The following AP3B2 variants were observed in gnomAD, a reference collection of about 807,000 sequenced individuals.
The protein encoded by AP3B2 is AP-3 complex subunit beta-2.
Under a neutral mutation model 126.9 loss-of-function variants are expected in AP3B2, and 50 were observed. That is an observed-to-expected ratio of 0.39 (90% CI 0.31 to 0.50). The LOEUF is 0.50. AP3B2 is among the 20% of genes least tolerant of loss of function. The probability of loss-of-function intolerance (pLI) is 0.79; values close to 1 mark genes in which losing one functional copy is unlikely to be tolerated. For synonymous variants in AP3B2, 541 were observed against 565.0 expected, an observed-to-expected ratio of 0.96 and a Z score of 0.60; for missense variants, 1,177 against 1,426.4, an observed-to-expected ratio of 0.83 and a Z score of 2.82.
At chr15:82,669,332 G>T (rs1006058604) in intron 14 of AP3B2, among the ~76,000 whole-genome samples, 1 of 152,264 alleles carries the variant, frequency 6.6e-6, no homozygotes, top group Admixed American at 6.5e-5. Context: ...AAATCTTAAG[G>T]ATTCCACCAA....
Position 82,681,884 on chromosome 15 carries a change from G to A in AP3B2, c.361-304C>T, listed in dbSNP as rs1361742089. Among the ~76,000 whole-genome samples, 4 of 151,946 alleles carry A rather than the reference G, an allele frequency of 2.6e-5. No individual in the cohort carries two copies. The highest frequency in any genetic ancestry group is 5.9e-5 in the Non-Finnish European group (4 of 67,988). Reference sequence around the variant, plus strand: ...GAAACACTTCCTGTTCCTTGTAAGGGTTTTTTTGGAGGTGCCTGTTTTAAT... The same window carrying A: ...GAAACACTTCCTGTTCCTTGTAAGGATTTTTTTGGAGGTGCCTGTTTTAAT... On this transcript the variant is annotated intron_variant, in intron 4 of 26. Coordinates refer to ENST00000535359, the MANE Select transcript of AP3B2 (RefSeq NM_001278512.2). The surrounding 1 kb of genome is among the most constrained non-coding windows in gnomAD (Gnocchi z 4.0).
At chr15:82,683,182 C>T (rs1425236380) in intron 4 of AP3B2, among the ~76,000 whole-genome samples, 3 of 150,546 alleles carry the variant, frequency 2.0e-5, no homozygotes, top group Non-Finnish European at 4.4e-5. Flanking sequence ...CCTCAGCCTC[C>T]CGAGTAGCTG....
Position 82,663,109 on chromosome 15 carries a change from C to T in AP3B2, c.2604+18G>A, listed in dbSNP as rs2047983508. Reference sequence around the variant, plus strand: ...TGTGTCCCTGCCCCAGCCCGGTCCCCTCCTCCATCCCACTCACCGACGGTA... The same window carrying T: ...TGTGTCCCTGCCCCAGCCCGGTCCCTTCCTCCATCCCACTCACCGACGGTA... On this transcript the variant is annotated intron_variant, in intron 22 of 26. Coordinates refer to ENST00000535359, the MANE Select transcript of AP3B2 (RefSeq NM_001278512.2). 1.3e-6 allele frequency: 2 copies of T among 1,596,322 alleles called. No homozygotes were observed. The highest frequency in any genetic ancestry group is 1.7e-6 in the Non-Finnish European group (2 of 1,170,350).
chr15:82,696,522 G>A (rs1056670187), intron 1 of AP3B2, among the ~76,000 whole-genome samples: 1 of 152,200 alleles, frequency 6.6e-6, no homozygotes. Flanking sequence ...AGATTGCAGT[G>A]AGCCGAGATC....
At position 82,677,801 on chromosome 15, in the gene AP3B2, G is replaced by A. The variant is rs145110978; in HGVS notation, c.1248C>T (p.Thr416=). 11 of 1,596,808 alleles carry A rather than the reference G, an allele frequency of 6.9e-6. No individual in the cohort carries two copies. The East Asian group carries it at 2.5e-4, about 36-fold the overall frequency. The change falls in exon 12 of 27, where the codon ACC becomes ACT. Residue 416 remains threonine (T), a splice_region_variant and synonymous_variant. Coordinates refer to ENST00000535359, the MANE Select transcript of AP3B2 (RefSeq NM_001278512.2). ...AGTCCTTGTCCATGCTGCGAATATAGGTCTGTGGGATATGACAAAGAAATC... is the reference window on the plus strand; with the variant it reads ...AGTCCTTGTCCATGCTGCGAATATAAGTCTGTGGGATATGACAAAGAAATC... ...NIPTVLREFQ[T]YIRSMDKDFV...
intron 1 of AP3B2, chr15:82,691,807 CTG>C: frequency 1.4e-6 from 2 of 1,453,638 alleles, no homozygotes; most frequent in Non-Finnish European, 9.6e-7. Flanking sequence ...CAAACCGAGA[CTG>C]TGAGTAGCCA....
At chr15:82,706,284 C>T (rs1304661753) in intron 1 of AP3B2, among the ~76,000 whole-genome samples, 3 of 152,212 alleles carry the variant, frequency 2.0e-5, no homozygotes, top group African/African-American at 7.2e-5. Flanking sequence ...ATTGCCTTAA[C>T]TCGAGCCCTC....
Position 82,665,490 on chromosome 15 carries a change from C to T in AP3B2, c.1938G>A (p.Glu646=), listed in dbSNP as rs754148578. The T allele has an allele frequency of 1.2e-6, 2 of 1,613,894 alleles. No homozygotes were observed. Among genetic ancestry groups the T allele is most frequent in the Admixed American group, 1.7e-5 (1 of 60,014 alleles). Reference sequence around the variant, plus strand: ...TGCGCACAGATGGGTCTGGGGCTTCCTCCGGCCAGTCTGGGAGCTCCTGGT... The same window carrying T: ...TGCGCACAGATGGGTCTGGGGCTTCTTCCGGCCAGTCTGGGAGCTCCTGGT... ...TGYQELPDWP[E]EAPDPSVRNV... The change falls in exon 16 of 27, where the codon GAG becomes GAA. Residue 646 remains glutamate, a synonymous_variant. Transcript: ENST00000535359. The surrounding 1 kb of genome is among the most constrained non-coding windows in gnomAD (Gnocchi z 4.4).
rs2047895824 is a variant in AP3B2, at chr15:82,659,422, AG to A, written c.*137del. 1.5e-5 allele frequency: 18 copies of A among 1,167,294 alleles called. No homozygotes were observed. The highest frequency in any genetic ancestry group is 2.2e-5 in the Non-Finnish European group (18 of 823,108). 72.3% of individuals were successfully genotyped at this position (1,167,294 alleles called of 1,614,324 possible). On this transcript the variant is annotated 3_prime_UTR_variant, in exon 27 of 27. Transcript: ENST00000535359. ...GCATTAGGGGAGGGCTTGGTCCTCC[AG>A]AGGGAGAGAGGACACCCTGAATGCT...
At chr15:82,696,434 C>T (rs955673073) in intron 1 of AP3B2, among the ~76,000 whole-genome samples, 10 of 151,986 alleles carry the variant, frequency 6.6e-5, no homozygotes, top group Admixed American at 3.9e-4. Flanking sequence ...AAAAATTAGC[C>T]GGGCATGGTG....
At chr15:82,702,197 C>A (rs140773561) in intron 1 of AP3B2, among the ~76,000 whole-genome samples, 2 of 152,162 alleles carry the variant, frequency 1.3e-5, no homozygotes, top group Admixed American at 6.5e-5. Context: ...GAACCCAAAT[C>A]GTAATATCCA....
rs770563026 is a variant in AP3B2 at position 82,664,947 on chromosome 15, G to A, written c.2029-4C>T. 3.1e-6 allele frequency: 5 copies of A among 1,596,390 alleles called. No homozygotes were observed. Among genetic ancestry groups the A allele is most frequent in the South Asian group, 1.1e-5 (1 of 88,608 alleles). The stretch of plus-strand genomic sequence containing the variant: ...AGCACTTGGTCCATTCAGGTACCTG[G>A]AGATGGGGGTAGGGTGCAGGGTCAT... On this transcript the variant is annotated splice_polypyrimidine_tract_variant and splice_region_variant and intron_variant, in intron 17 of 26. Coordinates refer to ENST00000535359, the MANE Select transcript of AP3B2 (RefSeq NM_001278512.2). The surrounding 1 kb of genome is among the most constrained non-coding windows in gnomAD (Gnocchi z 4.5).
intron 4 of AP3B2, among the ~76,000 whole-genome samples, chr15:82,683,954 G>A (rs2048385812): frequency 6.6e-6 from 1 of 152,160 alleles, no homozygotes; most frequent in African/African-American, 2.4e-5. Flanking sequence ...TATCAACAGT[G>A]GGCTTAAAAA....
At chr15:82,689,294 G>A in intron 2 of AP3B2, 62 bp from the exon 3 acceptor site, 1 of 1,612,176 alleles carries the variant, frequency 6.2e-7, no homozygotes, top group East Asian at 2.2e-5. Flanking sequence ...ACTAACTAGA[G>A]GGAAGGTCTA....
chr15:82,662,332 C>T lies in AP3B2; in HGVS notation c.2834-80G>A, dbSNP rs903912550. 10 of 1,064,576 alleles carry T rather than the reference C, an allele frequency of 9.4e-6. No homozygotes were observed. The African/African-American group carries it at 1.6e-4, about 17-fold the overall frequency. The allele number at this position is 1,064,576 out of a possible 1,614,324, so 65.9% of individuals were successfully genotyped here. A position where few individuals can be genotyped will look rare whatever the true frequency, so the allele number is the denominator to read the frequency against. ...GTCTAGAACCCAGCCTAGCCCTACT[C>T]TCCTCTCCACTGTCACAGCTGACCA... On this transcript the variant is annotated intron_variant, in intron 23 of 26. Transcript: ENST00000535359.
intron 1 of AP3B2, among the ~76,000 whole-genome samples, chr15:82,700,671 T>C (rs1188709505): frequency 1.3e-5 from 2 of 151,706 alleles, no homozygotes; most frequent in Non-Finnish European, 2.9e-5. Context: ...AGTGCTAGGA[T>C]TACAGGCGTG....
intron 1 of AP3B2, among the ~76,000 whole-genome samples, chr15:82,706,356 T>A (rs2048795533): frequency 6.6e-6 from 1 of 152,196 alleles, no homozygotes; most frequent in Non-Finnish European, 1.5e-5. Context: ...TTCCATATCC[T>A]GTACCTCCAT....
At chr15:82,667,095 G>A (rs939385632) in intron 14 of AP3B2, among the ~76,000 whole-genome samples, 162 bp from the exon 15 acceptor site, 36 of 152,220 alleles carry the variant, frequency 2.4e-4, no homozygotes, top group African/African-American at 8.7e-4. Flanking sequence ...CCTTGTTCTG[G>A]GCTCAGAATT....
Position 82,664,087 on chromosome 15 carries a change from A to G in AP3B2, c.2262-112T>C. On this transcript the variant is annotated intron_variant, in intron 19 of 26. Coordinates refer to ENST00000535359, the MANE Select transcript of AP3B2 (RefSeq NM_001278512.2). This position sits in a 1 kb window ranked among gnomAD's most constrained non-coding sequence, Gnocchi z 4.5. ...AGTGGTGTGGGGAGCCTGAGCCAGGAGGGTTCACACCTGAGGTCCTATAGC... is the reference window on the plus strand; with the variant it reads ...AGTGGTGTGGGGAGCCTGAGCCAGGGGGGTTCACACCTGAGGTCCTATAGC... 3 of 1,458,506 alleles carry G rather than the reference A, an allele frequency of 2.1e-6. No individual in the cohort carries two copies. Among genetic ancestry groups the G allele is most frequent in the Non-Finnish European group, 2.7e-6 (3 of 1,105,730 alleles). 90.3% of individuals were successfully genotyped at this position (1,458,506 alleles called of 1,614,324 possible).
Sources: gnomAD v4.1 joint callset for allele counts (sites outside exome capture counted in the v4.1 genomes callset) on GRCh38, gnomAD v4.1.1 for gene constraint, Gnocchi (gnomAD v3.1) non-coding constraint, MANE v1.5 for transcripts, NCBI Gene and HGNC (gene_info 2026-07-23, HGNC 2026-07-21) for gene names.